The following TBC1D1 variants were observed in gnomAD, a reference collection of about 807,000 sequenced individuals.
TBC1D1 encodes TBC1 (tre-2/USP6, BUB2, cdc16) domain family, member 1.
TBC1D1 carries 89 observed loss-of-function variants against 125.6 expected under a neutral mutation model. The observed-to-expected ratio is 0.71, with a 90% confidence interval of 0.60 to 0.85. The LOEUF (loss-of-function observed/expected upper bound fraction) is 0.85, where lower values mean the gene tolerates loss of function less well. Ranked by LOEUF, TBC1D1 falls within the 40% of genes least tolerant of loss-of-function variation. The pLI, the probability that TBC1D1 is intolerant of heterozygous loss-of-function variation, is 0.00. For missense variants in TBC1D1, 1,377 were observed against 1,469.2 expected (o/e 0.94, Z 1.03); for synonymous variants, 565 against 564.1 (o/e 1.00, Z -0.02).
chr4:37,995,008 T>C lies in TBC1D1; in HGVS notation c.418-19501T>C, dbSNP rs1218901139. 6.6e-6 allele frequency among the ~76,000 whole-genome samples: 1 copy of C among 152,228 alleles called. No homozygotes were observed. The highest frequency in any genetic ancestry group is 1.5e-5 in the Non-Finnish European group (1 of 68,034). On this transcript the variant is annotated intron_variant, in intron 2 of 19. Transcript: ENST00000261439. The surrounding 1 kb of genome is among the most constrained non-coding windows in gnomAD (Gnocchi z 4.3). The stretch of plus-strand genomic sequence containing the variant: ...ACCATGTTCTTGATGTTGGCATTTT[T>C]TTGGTTTTGTTTTGTGGGTATTTTT...
chr4:38,124,821 G>A, intron 17 of TBC1D1, 141 bp from the exon 20 acceptor site: 1 of 616,482 alleles, frequency 1.6e-6, no homozygotes, highest in Non-Finnish European at 2.9e-6. Flanking sequence ...GAGATATCAG[G>A]CTCTTAAAAA....
At chr4:38,015,235 C>T (rs1283364241) in intron 3 of TBC1D1, among the ~76,000 whole-genome samples, 2 of 152,080 alleles carry the variant, frequency 1.3e-5, no homozygotes, top group Non-Finnish European at 2.9e-5. Flanking sequence ...GTGGAAAGAA[C>T]AGTGAAAACG....
chr4:38,103,886 A>G (rs1760801027), intron 15 of TBC1D1, among the ~76,000 whole-genome samples: 1 of 151,630 alleles, frequency 6.6e-6, no homozygotes, highest in South Asian at 2.1e-4. Flanking sequence ...GTGGCCGGGC[A>G]CAGTGGCTCA....
intron 12 of TBC1D1, among the ~76,000 whole-genome samples, chr4:38,064,305 G>A (rs1009217528): frequency 1.3e-5 from 2 of 152,196 alleles, no homozygotes; most frequent in Non-Finnish European, 2.9e-5. Flanking sequence ...TGATGTATGT[G>A]TTTTTGTGTG....
intron 2 of TBC1D1, among the ~76,000 whole-genome samples, chr4:37,923,315 T>C (rs1485001908): frequency 6.6e-6 from 1 of 152,216 alleles, no homozygotes; most frequent in Non-Finnish European, 1.5e-5. Flanking sequence ...TAGTACTCCA[T>C]GGTGTATATG....
intron 19 of TBC1D1, among the ~76,000 whole-genome samples, chr4:38,135,854 ATG>A (rs1461068184): frequency 2.9e-5 from 2 of 69,062 alleles, no homozygotes; most frequent in African/African-American, 8.9e-5. Flanking sequence ...ATATATATAT[ATG>A]TGTGTGTGTA....
chr4:37,949,995 C>T (rs1727505233), intron 2 of TBC1D1, among the ~76,000 whole-genome samples: 1 of 151,930 alleles, frequency 6.6e-6, no homozygotes, highest in Admixed American at 6.6e-5. Flanking sequence ...TTTTACTGGC[C>T]TTTCTTTCTT....
At chr4:38,056,180 CA>C (rs1751674669) in intron 12 of TBC1D1, among the ~76,000 whole-genome samples, 1 of 152,176 alleles carries the variant, frequency 6.6e-6, no homozygotes, top group Non-Finnish European at 1.5e-5. Flanking sequence ...AATGTGTTTG[CA>C]TCTGTTTCCT....
At chr4:37,994,556 A>G (rs982480446) in intron 2 of TBC1D1, among the ~76,000 whole-genome samples, 1 of 152,120 alleles carries the variant, frequency 6.6e-6, no homozygotes, top group African/African-American at 2.4e-5. Context: ...TTTCTTTCCC[A>G]TTTTTGAGAA....
chr4:37,966,831 G>GT (rs2152339838), intron 2 of TBC1D1, among the ~76,000 whole-genome samples: 1 of 152,220 alleles, frequency 6.6e-6, no homozygotes, highest in African/African-American at 2.4e-5. Flanking sequence ...TTATCTAAAG[G>GT]TTTTCAGAGG....
At chr4:38,022,605 C>T (rs745564823) in intron 6 of TBC1D1, among the ~76,000 whole-genome samples, 19 of 152,078 alleles carry the variant, frequency 1.2e-4, no homozygotes, top group South Asian at 2.1e-4. Flanking sequence ...CCAGAGGGGC[C>T]GAATGAATCC....
intron 12 of TBC1D1, among the ~76,000 whole-genome samples, chr4:38,056,129 C>G (rs1414298167): frequency 2.0e-5 from 3 of 152,232 alleles, no homozygotes; most frequent in African/African-American, 7.2e-5. Flanking sequence ...TCCCTGTCCT[C>G]TGATTCCTGG....
intron 8 of TBC1D1, among the ~76,000 whole-genome samples, chr4:38,036,484 A>G (rs765992322): frequency 3.3e-5 from 5 of 152,236 alleles, no homozygotes; most frequent in Non-Finnish European, 5.9e-5. Flanking sequence ...AGGATGTACA[A>G]GTTTCTCAGT....
chr4:38,088,597 T>G (rs960511242), intron 12 of TBC1D1, among the ~76,000 whole-genome samples: 13 of 152,316 alleles, frequency 8.5e-5, no homozygotes, highest in African/African-American at 2.4e-4. Flanking sequence ...AATTTTGATT[T>G]CTTTTCTGTG....
chr4:38,012,606 T>C (rs1741747295), intron 2 of TBC1D1, among the ~76,000 whole-genome samples: 1 of 152,030 alleles, frequency 6.6e-6, no homozygotes, highest in African/African-American at 2.4e-5. Context: ...CAGGCTTCTG[T>C]TGTGAACCAT....
intron 2 of TBC1D1, among the ~76,000 whole-genome samples, chr4:37,981,639 C>G (rs1032600794): frequency 3.9e-5 from 6 of 152,160 alleles, no homozygotes; most frequent in African/African-American, 1.4e-4. Context: ...ATGCTCCAGG[C>G]AGGCCTCAGG....
At chr4:37,956,051 A>G (rs1299507332) in intron 2 of TBC1D1, among the ~76,000 whole-genome samples, 4 of 151,162 alleles carry the variant, frequency 2.6e-5, no homozygotes, top group Non-Finnish European at 1.5e-5. Flanking sequence ...TTTTTTTGAA[A>G]CAACGTCTCT....
At chr4:37,944,566 T>G (rs1726259190) in intron 2 of TBC1D1, among the ~76,000 whole-genome samples, 1 of 152,200 alleles carries the variant, frequency 6.6e-6, no homozygotes, top group African/African-American at 2.4e-5. Context: ...CACTGCCGCC[T>G]TGCAGTTCAA....
At chr4:38,007,786 G>A (rs1347798206) in intron 2 of TBC1D1, among the ~76,000 whole-genome samples, 1 of 152,226 alleles carries the variant, frequency 6.6e-6, no homozygotes, top group Non-Finnish European at 1.5e-5. Context: ...CCTTCGTGCT[G>A]TTCACAGTTT....
Sources: gnomAD v4.1 joint callset for allele counts (sites outside exome capture counted in the v4.1 genomes callset) on GRCh38, gnomAD v4.1.1 for gene constraint, Gnocchi (gnomAD v3.1) non-coding constraint, MANE v1.5 for transcripts, NCBI Gene and HGNC (gene_info 2026-07-23, HGNC 2026-07-21) for gene names.